Variants in INPP4B observed in about 807,000 individuals in gnomAD.
The protein encoded by INPP4B is inositol polyphosphate 4-phosphatase type II.
INPP4B carries 55 observed loss-of-function variants against 122.5 expected under a neutral mutation model. That is an observed-to-expected ratio of 0.45 (90% confidence interval 0.36 to 0.56). The LOEUF (loss-of-function observed/expected upper bound fraction) is 0.56. INPP4B is among the 20% of genes least tolerant of loss of function. The pLI is 0.00. For missense variants in INPP4B, 1,000 were observed against 1,097.7 expected (o/e 0.91, Z 1.26); for synonymous variants, 403 against 388.7 (o/e 1.04, Z -0.43).
chr4:142,354,861 G>T (rs2148436731), intron 7 of INPP4B, among the ~76,000 whole-genome samples: 1 of 152,094 alleles, frequency 6.6e-6, no homozygotes, highest in East Asian at 1.9e-4. Context: ...GTATAACAAA[G>T]CGAGGACTTA....
chr4:142,198,225 A>G (rs972746353), intron 14 of INPP4B, among the ~76,000 whole-genome samples: 1 of 152,080 alleles, frequency 6.6e-6, no homozygotes, highest in African/African-American at 2.4e-5. Flanking sequence ...CTGAACACAC[A>G]CTATTTTCAA....
At chr4:142,496,623 C>T (rs1399637991) in intron 2 of INPP4B, among the ~76,000 whole-genome samples, 1 of 151,960 alleles carries the variant, frequency 6.6e-6, no homozygotes, top group Non-Finnish European at 1.5e-5. Context: ...GTATTGTTTC[C>T]TATTGCTTTA....
At chr4:142,259,540 T>A (rs1561659338) in intron 11 of INPP4B, among the ~76,000 whole-genome samples, 1 of 151,306 alleles carries the variant, frequency 6.6e-6, no homozygotes, top group Non-Finnish European at 1.5e-5. Flanking sequence ...TTATAATTGT[T>A]ATAAATTGTT....
intron 1 of INPP4B, among the ~76,000 whole-genome samples, chr4:142,804,829 G>C (rs2151100075): frequency 6.6e-6 from 1 of 152,234 alleles, no homozygotes; most frequent in South Asian, 2.1e-4. Context: ...ACCACGTCCA[G>C]CTAATTTCTG....
intron 23 of INPP4B, 85 bp from the exon 24 acceptor site, chr4:142,086,341 T>G (rs1776747759): frequency 2.7e-6 from 2 of 747,532 alleles, no homozygotes; most frequent in Non-Finnish European, 4.6e-6. Context: ...AATACATTTA[T>G]TTGCAAACAC....
chr4:142,731,167 T>G (rs2150880138), intron 1 of INPP4B, among the ~76,000 whole-genome samples: 1 of 152,238 alleles, frequency 6.6e-6, no homozygotes, highest in East Asian at 1.9e-4. Flanking sequence ...GTGTGTATTG[T>G]TCCCCTCCCT....
chr4:142,843,046 ATAAAC>A, intron 1 of INPP4B, among the ~76,000 whole-genome samples: 1 of 149,802 alleles, frequency 6.7e-6, no homozygotes, highest in East Asian at 1.9e-4. Flanking sequence ...ATTTAAAAAA[ATAAAC>A]TAACACAGTT....
At chr4:142,238,994 G>T (rs1857917966) in intron 11 of INPP4B, among the ~76,000 whole-genome samples, 1 of 152,062 alleles carries the variant, frequency 6.6e-6, no homozygotes, top group Non-Finnish European at 1.5e-5. Flanking sequence ...AATATCAGTT[G>T]ATATTGAAGC....
chr4:142,171,888 A>C (rs1414682010), intron 16 of INPP4B, among the ~76,000 whole-genome samples: 1 of 151,828 alleles, frequency 6.6e-6, no homozygotes, highest in Non-Finnish European at 1.5e-5. Context: ...TGAAATGACA[A>C]ATCCCTGCCC....
intron 2 of INPP4B, among the ~76,000 whole-genome samples, chr4:142,720,758 AT>A (rs1399253514): frequency 2.9e-3 from 210 of 71,332 alleles, no homozygotes; most frequent in African/African-American, 0.013. Context: ...ACATATATAT[AT>A]AATCTCTCTC....
At chr4:142,562,519 T>A (rs557265419) in intron 2 of INPP4B, among the ~76,000 whole-genome samples, 7 of 152,132 alleles carry the variant, frequency 4.6e-5, no homozygotes, top group Non-Finnish European at 8.8e-5. Flanking sequence ...AATACCAGGA[T>A]TGGATGCCAA....
At chr4:142,333,834 A>G (rs1451757635) in intron 7 of INPP4B, among the ~76,000 whole-genome samples, 1 of 152,190 alleles carries the variant, frequency 6.6e-6, no homozygotes, top group African/African-American at 2.4e-5. Flanking sequence ...CGAACCAGCT[A>G]TTTAACCTGT....
chr4:142,323,303 A>T (rs1197327196), intron 7 of INPP4B, among the ~76,000 whole-genome samples: 3 of 152,110 alleles, frequency 2.0e-5, no homozygotes, highest in Non-Finnish European at 4.4e-5. Flanking sequence ...TTCCCAATTC[A>T]TTTATGTGTA....
intron 2 of INPP4B, among the ~76,000 whole-genome samples, chr4:142,476,002 GA>G (rs1252979789): frequency 6.6e-6 from 1 of 152,106 alleles, no homozygotes; most frequent in Non-Finnish European, 1.5e-5. Context: ...GAATCCCTGT[GA>G]AAAACTACAC....
At chr4:142,294,868 G>T (rs530788703) in intron 9 of INPP4B, among the ~76,000 whole-genome samples, 4 of 68,104 alleles carry the variant, frequency 5.9e-5, no homozygotes, top group Non-Finnish European at 1.4e-4. Context: ...GCAGACTTAC[G>T]CCAGGCTGTG....
chr4:142,670,547 CA>C (rs1383607747), intron 2 of INPP4B, among the ~76,000 whole-genome samples: 2 of 150,696 alleles, frequency 1.3e-5, no homozygotes, highest in African/African-American at 2.4e-5. Flanking sequence ...AAGTCAGGCA[CA>C]AAAAAAACTA....
intron 2 of INPP4B, among the ~76,000 whole-genome samples, chr4:142,530,676 G>T (rs957276876): frequency 1.6e-4 from 25 of 151,862 alleles, no homozygotes; most frequent in African/African-American, 5.3e-4. Flanking sequence ...TTTAGATAGG[G>T]TGTTCATCAT....
intron 24 of INPP4B, 22 bp downstream of exon 24, chr4:142,086,122 G>A: frequency 7.2e-7 from 1 of 1,390,126 alleles, no homozygotes; most frequent in Non-Finnish European, 1.0e-6. Flanking sequence ...CAGGAAATAA[G>A]ATTTGACATG....
rs998485277 is a variant in INPP4B, at chr4:142,025,473, G to A, written c.*3309C>T. On this transcript the variant is annotated 3_prime_UTR_variant, in exon 26 of 26. Coordinates refer to ENST00000262992, the MANE Select transcript of INPP4B (RefSeq NM_001101669.3). ...TTAACAACTAGCTTACAAAATTTCT[G>A]GTACTTTAATTATCAACTTTTATGC... The A allele has an allele frequency of 6.6e-6, 1 of 152,028 alleles. No homozygotes were observed. The highest frequency in any genetic ancestry group is 6.6e-5 in the Admixed American group (1 of 15,258). The allele number at this position is 152,028 out of a possible 1,614,324, so 9.4% of individuals were successfully genotyped here.
Sources: gnomAD v4.1 joint callset for allele counts (sites outside exome capture counted in the v4.1 genomes callset) on GRCh38, gnomAD v4.1.1 for gene constraint, MANE v1.5 for transcripts, NCBI Gene and HGNC (gene_info 2026-07-23, HGNC 2026-07-21) for gene names.